LPP: variants seen among roughly 807,000 people sequenced by gnomAD.
The protein encoded by LPP is LIM domain containing preferred translocation partner in lipoma, also known as lipoma-preferred partner.
In LPP, 38 loss-of-function variants were observed where a neutral mutation model predicts 60.4. The observed-to-expected ratio is 0.63, with a 90% CI of 0.49 to 0.83. The LOEUF (loss-of-function observed/expected upper bound fraction) is 0.83. LPP is among the 40% of genes least tolerant of loss of function. The pLI is 0.00. For synonymous variants in LPP, 328 were observed against 290.8 expected, an observed-to-expected ratio of 1.13 and a Z score of -1.30; for missense variants, 902 against 783.6, an observed-to-expected ratio of 1.15 and a Z score of -1.80.
rs77052211 is a variant in LPP, at chr3:188,476,817, G to A, written c.194-7775G>A. Among the ~76,000 whole-genome samples, 34 of 152,152 alleles carry A rather than the reference G, an allele frequency of 2.2e-4. No homozygotes were observed. The East Asian group carries it at 4.5e-3, about 20-fold the overall frequency. On this transcript the variant is annotated intron_variant, in intron 4 of 11. Transcript: ENST00000617246. Reference sequence around the variant, plus strand: ...GATAACTAAAAAATTAATGTTCCTCGGTCAAGGTCACATATCTTATTTACA... The same window carrying A: ...GATAACTAAAAAATTAATGTTCCTCAGTCAAGGTCACATATCTTATTTACA...
chr3:188,303,069 G>C (rs1009856251), intron 2 of LPP, among the ~76,000 whole-genome samples: 1 of 152,174 alleles, frequency 6.6e-6, no homozygotes, highest in East Asian at 1.9e-4. Flanking sequence ...ACTGTGCTAT[G>C]TGGGAAAAAT....
At chr3:188,670,690 T>C (rs1283143410) in intron 7 of LPP, among the ~76,000 whole-genome samples, 1 of 152,172 alleles carries the variant, frequency 6.6e-6, no homozygotes, top group Non-Finnish European at 1.5e-5. Flanking sequence ...TAAACTCATG[T>C]GGTTGGTGCT....
At chr3:188,545,314 GA>G (rs1248452605) in intron 6 of LPP, among the ~76,000 whole-genome samples, 3 of 146,124 alleles carry the variant, frequency 2.1e-5, no homozygotes, top group Non-Finnish European at 4.5e-5. Flanking sequence ...AAAGCCTTTA[GA>G]AAAAAAAGTA....
At chr3:188,452,730 T>C (rs987538688) in intron 4 of LPP, among the ~76,000 whole-genome samples, 1 of 152,290 alleles carries the variant, frequency 6.6e-6, no homozygotes, top group East Asian at 1.9e-4. Flanking sequence ...TTTTGAGGCA[T>C]GAAGTGGCCA....
intron 9 of LPP, among the ~76,000 whole-genome samples, chr3:188,798,344 G>T (rs1053563062): frequency 6.6e-6 from 1 of 152,098 alleles, no homozygotes; most frequent in African/African-American, 2.4e-5. Flanking sequence ...TTCCTTTCTT[G>T]ATACTTTCTC....
intron 2 of LPP, among the ~76,000 whole-genome samples, chr3:188,312,589 C>G (rs1753800142): frequency 2.6e-5 from 4 of 152,196 alleles, no homozygotes; most frequent in Admixed American, 6.5e-5. Flanking sequence ...TTCTTCTGCT[C>G]TTTCTCAAAT....
At position 188,162,196 on chromosome 3, in the gene LPP, G is replaced by A. The variant is rs78048453; in HGVS notation, c.-190+7944G>A. Among the ~76,000 whole-genome samples the A allele has an allele frequency of 2.1e-3, 318 of 152,180 alleles. 11 individuals are homozygous for A. The East Asian group carries it at 0.045, about 22-fold the overall frequency. Reference sequence around the variant, plus strand: ...TAGCAAATACATTTTATAATCATTTGTATTACTTTGTTCCCAAATATAATG... The same window carrying A: ...TAGCAAATACATTTTATAATCATTTATATTACTTTGTTCCCAAATATAATG... On this transcript the variant is annotated intron_variant, in intron 1 of 11. Coordinates refer to ENST00000617246, the MANE Select transcript of LPP (RefSeq NM_001375462.1).
At chr3:188,656,140 C>T (rs1289934615) in intron 7 of LPP, among the ~76,000 whole-genome samples, 3 of 149,446 alleles carry the variant, frequency 2.0e-5, no homozygotes, top group Non-Finnish European at 4.4e-5. Flanking sequence ...TGCAGTGAGC[C>T]GAGGTCACGC....
rs1342207321 is a variant in LPP at position 188,495,082 on chromosome 3, A to ATATATATTTTTTT, written c.306+10379_306+10380insATATATTTTTTTT. ...CAGGATTTTATATATATATATATAT[A>ATATATATTTTTTT]TTTTATTTATATTTTATTATATATT... On this transcript the variant is annotated intron_variant, in intron 5 of 11. Transcript: ENST00000617246. Among the ~76,000 whole-genome samples the ATATATATTTTTTT allele has an allele frequency of 5.7e-4, 55 of 97,240 alleles. 3 individuals carry two copies. Among genetic ancestry groups the ATATATATTTTTTT allele is most frequent in the African/African-American group, 2.1e-3 (53 of 25,076 alleles). The allele number at this position is 97,240 out of a possible 152,430, so 63.8% of individuals were successfully genotyped here.
intron 8 of LPP, among the ~76,000 whole-genome samples, chr3:188,715,399 A>G (rs2149791334): frequency 6.9e-6 from 1 of 145,960 alleles, no homozygotes; most frequent in African/African-American, 2.4e-5. Flanking sequence ...AAAAAAAAAA[A>G]AAAAAAAGGA....
Position 188,760,240 on chromosome 3 carries a change from C to T in LPP, c.1368C>T (p.Phe456=), listed in dbSNP as rs1357170696. 7 of 1,614,144 alleles carry T rather than the reference C, an allele frequency of 4.3e-6. No homozygotes were observed. Among genetic ancestry groups the T allele is most frequent in the Non-Finnish European group, 5.9e-6 (7 of 1,180,026 alleles). ...ACAACAAGCTCCGAGGGCAGCCATT[C>T]TATGCTGTGGAAAAGAAAGCATACT... ...ICNNKLRGQP[F]YAVEKKAYCE... is the part of the protein sequence containing the mutation. Residue 456 remains phenylalanine (F), a synonymous_variant, in exon 9 of 12, where the codon TTC becomes TTT. Coordinates refer to ENST00000617246, the MANE Select transcript of LPP (RefSeq NM_001375462.1).
At chr3:188,850,617 T>C (rs970573976) in intron 9 of LPP, among the ~76,000 whole-genome samples, 1 of 152,172 alleles carries the variant, frequency 6.6e-6, no homozygotes, top group Non-Finnish European at 1.5e-5. Context: ...GATAGCTGTT[T>C]ATATTTTTTA....
intron 2 of LPP, among the ~76,000 whole-genome samples, chr3:188,299,934 A>C (rs1297015257): frequency 2.6e-5 from 4 of 152,230 alleles, no homozygotes; most frequent in Admixed American, 2.6e-4. Flanking sequence ...GGCTCAGATG[A>C]GTTAATGCCT....
At chr3:188,640,621 G>A (rs1849904147) in intron 7 of LPP, among the ~76,000 whole-genome samples, 2 of 151,002 alleles carry the variant, frequency 1.3e-5, no homozygotes. Flanking sequence ...AATCCAACCT[G>A]TGCAATATGG....
intron 7 of LPP, among the ~76,000 whole-genome samples, chr3:188,655,109 T>C (rs1202475945): frequency 6.6e-5 from 10 of 152,194 alleles, no homozygotes. Context: ...CAAAATGAAC[T>C]GTTCTTTAGG....
intron 4 of LPP, among the ~76,000 whole-genome samples, chr3:188,484,024 A>G (rs943749129): frequency 7.2e-5 from 11 of 151,812 alleles, no homozygotes; most frequent in Non-Finnish European, 1.6e-4. Context: ...TTCCTATGTC[A>G]TGACTTGCTT....
chr3:188,566,187 G>A (rs908666138), intron 6 of LPP, among the ~76,000 whole-genome samples: 5 of 151,864 alleles, frequency 3.3e-5, no homozygotes, highest in African/African-American at 1.2e-4. Flanking sequence ...TCCCTTGCAC[G>A]ATTACAAGAC....
intron 4 of LPP, among the ~76,000 whole-genome samples, chr3:188,421,023 C>T (rs942156072): frequency 3.3e-5 from 5 of 152,192 alleles, no homozygotes; most frequent in African/African-American, 1.2e-4. Flanking sequence ...ATGGTACCCC[C>T]TCACCCCCCA....
intron 10 of LPP, 130 bp downstream of exon 10, chr3:188,866,508 G>A (rs1766643920): frequency 1.5e-6 from 1 of 673,594 alleles, no homozygotes; most frequent in African/African-American, 1.9e-5. Flanking sequence ...GCTTTTAAAA[G>A]AGCTTATTGA....
Sources: allele counts gnomAD v4.1 joint callset (sites outside exome capture counted in the v4.1 genomes callset), GRCh38; gene constraint gnomAD v4.1.1; transcripts MANE v1.5; gene names NCBI Gene and HGNC (gene_info 2026-07-23, HGNC 2026-07-21).